WNT9A: variants seen among roughly 807,000 people sequenced by gnomAD.
The protein encoded by WNT9A is Wnt family member 9A.
WNT9A carries 8 observed loss-of-function variants against 31.4 expected under a neutral mutation model. The ratio of observed to expected loss-of-function variants is 0.26; its 90% CI spans 0.15 to 0.46. The LOEUF is 0.46. Among genes scored for constraint, WNT9A ranks in the 20% least tolerant of loss-of-function variants. The pLI, the probability that WNT9A is intolerant of heterozygous loss-of-function variation, is 0.99. For missense variants in WNT9A, 457 were observed against 522.9 expected, an observed-to-expected ratio of 0.87 and a Z score of 1.23; for synonymous variants, 236 against 220.1, an observed-to-expected ratio of 1.07 and a Z score of -0.64.
At chr1:227,922,399 G>T (rs1666337371) in intron 3 of WNT9A, among the ~76,000 whole-genome samples, 1 of 152,236 alleles carries the variant, frequency 6.6e-6, no homozygotes, top group African/African-American at 2.4e-5. Flanking sequence ...CAGCTTGCTG[G>T]ACAGGTGAGG....
At position 227,925,969 on chromosome 1, in the gene WNT9A, C is replaced by T. The variant is rs938615977; in HGVS notation, c.96-450G>A. ...TTGGCCCCAGCTGACCCGCAGGATC[C>T]CGCCTGAGGTCCCCCTACCCTCTGC... is the stretch of plus-strand genomic sequence containing the variant. On this transcript the variant is annotated intron_variant, in intron 1 of 3. Coordinates refer to ENST00000272164, the MANE Select transcript of WNT9A (RefSeq NM_003395.4). This position sits in a 1 kb window ranked among gnomAD's most constrained non-coding sequence, Gnocchi z 6.0. Among the ~76,000 whole-genome samples, 7 of 152,126 alleles carry T rather than the reference C, an allele frequency of 4.6e-5. No homozygotes were observed. Among genetic ancestry groups the T allele is most frequent in the South Asian group, 2.1e-4 (1 of 4,822 alleles).
At chr1:227,939,304 T>C (rs1382643412) in intron 1 of WNT9A, among the ~76,000 whole-genome samples, 2 of 152,138 alleles carry the variant, frequency 1.3e-5, no homozygotes, top group Non-Finnish European at 2.9e-5. Flanking sequence ...TGGTCAGCAC[T>C]GACCCCTGCA....
At chr1:227,939,591 C>A (rs1666657413) in intron 1 of WNT9A, among the ~76,000 whole-genome samples, 1 of 152,182 alleles carries the variant, frequency 6.6e-6, no homozygotes, top group African/African-American at 2.4e-5. Context: ...CTTCCAGCTC[C>A]CAGCACAATA....
intron 1 of WNT9A, among the ~76,000 whole-genome samples, chr1:227,930,758 C>T (rs955862864): frequency 6.6e-5 from 10 of 152,254 alleles, no homozygotes; most frequent in African/African-American, 2.4e-4. Flanking sequence ...CAGTGGCTCA[C>T]GCCTGTAATC....
chr1:227,937,022 G>A (rs948533630), intron 1 of WNT9A, among the ~76,000 whole-genome samples: 4 of 152,128 alleles, frequency 2.6e-5, no homozygotes, highest in Admixed American at 1.3e-4. Context: ...ACATCTTGCC[G>A]CCTCTCTGGT....
intron 1 of WNT9A, among the ~76,000 whole-genome samples, chr1:227,938,967 G>A (rs911748730): frequency 2.6e-5 from 4 of 152,208 alleles, no homozygotes; most frequent in Admixed American, 6.5e-5. Context: ...CCAGGCTCAC[G>A]GCAGCACCAG....
At chr1:227,931,476 TC>T (rs1280870083) in intron 1 of WNT9A, among the ~76,000 whole-genome samples, 4 of 152,238 alleles carry the variant, frequency 2.6e-5, no homozygotes, top group Non-Finnish European at 5.9e-5. Flanking sequence ...ACTGAGCTAT[TC>T]TTGGCAAAAA....
Position 227,924,227 on chromosome 1 carries a change from T to C in WNT9A, c.526A>G (p.Ser176Gly). The C allele has an allele frequency of 6.2e-7, 1 of 1,613,770 alleles. No individual in the cohort carries two copies. The change falls in exon 3 of 4, where the codon AGC becomes GGC. Residue 176 changes from serine to glycine, a missense_variant. Transcript: ENST00000272164. Reference sequence around the variant, plus strand: ...CCCAGGAATTCCTTGACGAACTTGCTGCTGTACTTAAGGTTGTCTCCGCAG... The same window carrying C: ...CCCAGGAATTCCTTGACGAACTTGCCGCTGTACTTAAGGTTGTCTCCGCAG... ...GGCGDNLKYSSKFVKEFLGRR... is the reference protein window; with the variant it reads ...GGCGDNLKYSGKFVKEFLGRR...
At chr1:227,930,692 G>A (rs187675347) in intron 1 of WNT9A, among the ~76,000 whole-genome samples, 2 of 152,262 alleles carry the variant, frequency 1.3e-5, no homozygotes, top group East Asian at 1.9e-4. Flanking sequence ...CCACAGAGGC[G>A]CCCTTTGGTT....
At chr1:227,927,661 A>G (rs1014287204) in intron 1 of WNT9A, among the ~76,000 whole-genome samples, 35 of 152,248 alleles carry the variant, frequency 2.3e-4, no homozygotes, top group Non-Finnish European at 4.1e-4. Context: ...ACACAAGGGC[A>G]GCTTGCAGGT....
At chr1:227,939,951 C>G (rs1313948494) in intron 1 of WNT9A, among the ~76,000 whole-genome samples, 4 of 152,224 alleles carry the variant, frequency 2.6e-5, no homozygotes. Flanking sequence ...TGCAACGCCA[C>G]CAGGGCCCAG....
intron 1 of WNT9A, among the ~76,000 whole-genome samples, chr1:227,932,013 G>C (rs960920314): frequency 6.6e-6 from 1 of 151,958 alleles, no homozygotes; most frequent in Non-Finnish European, 1.5e-5. Context: ...GAGCCATCAC[G>C]CCCAGCCGGA....
At chr1:227,929,520 G>A (rs929339509) in intron 1 of WNT9A, among the ~76,000 whole-genome samples, 6 of 152,212 alleles carry the variant, frequency 3.9e-5, no homozygotes, top group Non-Finnish European at 5.9e-5. Flanking sequence ...GTGATTAGGC[G>A]ATGAACAGGA....
At chr1:227,936,627 A>G (rs1370188613) in intron 1 of WNT9A, among the ~76,000 whole-genome samples, 1 of 127,562 alleles carries the variant, frequency 7.8e-6, no homozygotes, top group Non-Finnish European at 1.6e-5. Flanking sequence ...GAGCCACTGC[A>G]CCCAGTCTTT....
chr1:227,925,335 GGCACTCGA>G lies in WNT9A; in HGVS notation c.272_279del (p.Leu91ProfsTer7). 6.2e-7 allele frequency: 1 copy of G among 1,610,276 alleles called. No homozygotes were observed. Among genetic ancestry groups the G allele is most frequent in the Non-Finnish European group, 8.5e-7 (1 of 1,179,116 alleles). On this transcript the variant is annotated frameshift_variant, in exon 2 of 4. Transcript: ENST00000272164. LOFTEE classifies it high-confidence loss of function. This position sits in a 1 kb window ranked among gnomAD's most constrained non-coding sequence, Gnocchi z 6.0. ...CAGCGCTCAAAGCGGAACTGGAACT[GGCACTCGA>G]GCGCACTCATGCTCACGGCCTCCAC...
chr1:227,936,979 C>T (rs1272203135), intron 1 of WNT9A, among the ~76,000 whole-genome samples: 1 of 152,202 alleles, frequency 6.6e-6, no homozygotes, highest in Non-Finnish European at 1.5e-5. Flanking sequence ...GCATGGCCTC[C>T]CCGTGTCACC....
intron 3 of WNT9A, among the ~76,000 whole-genome samples, chr1:227,922,744 C>T (rs1666344544): frequency 6.6e-6 from 1 of 152,208 alleles, no homozygotes; most frequent in South Asian, 2.1e-4. Flanking sequence ...GGGCCTGTCC[C>T]CTCCCAGGAC....
chr1:227,941,784 A>G (rs1279594336), intron 1 of WNT9A: 2 of 152,236 alleles, frequency 1.3e-5, no homozygotes, highest in African/African-American at 2.4e-5. Context: ...CCCCAGTCCC[A>G]CAGACACTGC....
At chr1:227,923,696 GCCCACCATGCCT>G (rs1047308052) in intron 3 of WNT9A, among the ~76,000 whole-genome samples, 4 of 152,112 alleles carry the variant, frequency 2.6e-5, no homozygotes, top group Non-Finnish European at 5.9e-5. Context: ...GGGATCCCCT[GCCCACCATGCCT>G]CCCACCTTGG....
Sources: allele counts gnomAD v4.1 joint callset (sites outside exome capture counted in the v4.1 genomes callset), GRCh38; gene constraint gnomAD v4.1.1; non-coding constraint Gnocchi (gnomAD v3.1); transcripts MANE v1.5; gene names NCBI Gene and HGNC (gene_info 2026-07-23, HGNC 2026-07-21).